TSN: variants seen among roughly 807,000 people sequenced by gnomAD.
The protein encoded by TSN is translin.
A neutral mutation model predicts 29.4 loss-of-function variants in TSN; 5 were observed. The ratio of observed to expected loss-of-function variants is 0.17; its 90% CI spans 0.09 to 0.36. TSN has a LOEUF of 0.36. Among genes scored for constraint, TSN ranks in the 10% least tolerant of loss-of-function variants. TSN has a pLI of 1.00. For synonymous variants in TSN, 106 were observed against 102.2 expected (o/e 1.04, Z -0.23); for missense variants, 159 against 272.8 (o/e 0.58, Z 2.94).
At chr2:121,763,871 C>G (rs2074868134) in intron 5 of TSN, among the ~76,000 whole-genome samples, 1 of 152,168 alleles carries the variant, frequency 6.6e-6, no homozygotes, top group African/African-American at 2.4e-5. Context: ...TACTATCTGG[C>G]TCGTTAAGAA....
At chr2:121,757,571 ATTTCCTG>A in intron 2 of TSN, 1 of 689,676 alleles carries the variant, frequency 1.4e-6, no homozygotes, top group Admixed American at 3.3e-5. Context: ...TGCTTAACCC[ATTTCCTG>A]TTTAGAAAAA....
intron 4 of TSN, among the ~76,000 whole-genome samples, chr2:121,761,993 AT>A (rs752583785): frequency 5.0e-3 from 644 of 128,956 alleles, no homozygotes; most frequent in Middle Eastern, 0.024. Flanking sequence ...AATTTTTTGT[AT>A]TTTTTTTTTT....
At chr2:121,757,878 C>G (rs2106452371) in intron 2 of TSN, among the ~76,000 whole-genome samples, 1 of 151,954 alleles carries the variant, frequency 6.6e-6, no homozygotes. Flanking sequence ...GTTGGCCAGG[C>G]TGGTCTTGCA....
chr2:121,756,495 TA>T, intron 1 of TSN: 1 of 411,528 alleles, frequency 2.4e-6, no homozygotes, highest in Non-Finnish European at 4.4e-6. Flanking sequence ...TTGATTATTT[TA>T]AAAAAATCTT....
intron 2 of TSN, 49 bp from the exon 3 acceptor site, chr2:121,758,661 G>A: frequency 2.2e-6 from 3 of 1,393,902 alleles, no homozygotes; most frequent in East Asian, 4.8e-5. Context: ...AGCAAGAACT[G>A]TATTTGAAAT....
chr2:121,759,751 A>G (rs1250768975), intron 3 of TSN, among the ~76,000 whole-genome samples: 2 of 152,238 alleles, frequency 1.3e-5, no homozygotes, highest in East Asian at 1.9e-4. Context: ...TAAGACGTAT[A>G]TATCAGCAGT....
At chr2:121,758,904 G>T (rs57168317) in intron 3 of TSN, 98 bp downstream of exon 3, 41,076 of 729,618 alleles carry the variant, frequency 0.056, 1,382 homozygotes, top group East Asian at 0.12. Context: ...CAAACATCCT[G>T]TGTAGAAGTA....
intron 4 of TSN, among the ~76,000 whole-genome samples, chr2:121,761,888 G>A (rs1241732778): frequency 1.3e-5 from 2 of 151,644 alleles, no homozygotes; most frequent in South Asian, 2.1e-4. Context: ...TGCAATCTCC[G>A]CTCACTGCAA....
At chr2:121,759,693 C>G (rs1357925085) in intron 3 of TSN, among the ~76,000 whole-genome samples, 2 of 151,760 alleles carry the variant, frequency 1.3e-5, no homozygotes, top group Non-Finnish European at 2.9e-5. Context: ...GCACCTGAAT[C>G]AAAAGTTTCT....
intron 2 of TSN, among the ~76,000 whole-genome samples, chr2:121,758,263 T>C (rs1241259231): frequency 3.9e-5 from 6 of 152,222 alleles, no homozygotes; most frequent in Non-Finnish European, 8.8e-5. Flanking sequence ...AAGAATGATA[T>C]AATAATGCAT....
rs551055869 is a variant in TSN, at chr2:121,759,083, C to T, written c.257+277C>T. 2.6e-5 allele frequency among the ~76,000 whole-genome samples: 4 copies of T among 152,136 alleles called. No homozygotes were observed. The South Asian group carries it at 8.3e-4, about 32-fold the overall frequency. ...GGTCAAAAGTGAGAATATCTTTTTG[C>T]TATATTCAAGTTTCTTGTGAAATTG... On this transcript the variant is annotated intron_variant, in intron 3 of 5. Coordinates refer to ENST00000389682, the MANE Select transcript of TSN (RefSeq NM_004622.3).
At chr2:121,755,997 C>G (rs1341216264) in intron 1 of TSN, 152 bp downstream of exon 1, 9 of 1,460,174 alleles carry the variant, frequency 6.2e-6, no homozygotes, top group Non-Finnish European at 8.2e-6. Context: ...ACTCCCCGCC[C>G]CCGCCCAAAA....
intron 1 of TSN, among the ~76,000 whole-genome samples, chr2:121,756,991 C>A (rs990477768): frequency 6.6e-6 from 1 of 151,892 alleles, no homozygotes; most frequent in African/African-American, 2.4e-5. Context: ...AAGTTGCGTT[C>A]ACACACGTCA....
Position 121,757,119 on chromosome 2 carries a change from G to T in TSN, c.67-121G>T, listed in dbSNP as rs1227276158. On this transcript the variant is annotated intron_variant, in intron 1 of 5. Transcript: ENST00000389682. ...TTTTGAAGTCTTACAGAGGAAATAA[G>T]TGGAAAAGTCAGGATTCAAACTTGG... 4.5e-6 allele frequency: 4 copies of T among 882,066 alleles called. No homozygotes were observed. The African/African-American group carries it at 6.8e-5, about 15-fold the overall frequency. 54.6% of individuals were successfully genotyped at this position (882,066 alleles called of 1,614,324 possible).
rs1375639260 is a variant in TSN, at chr2:121,763,037, G to C, written c.406G>C (p.Asp136His). Residue 136 changes from aspartate to histidine, a missense_variant, in exon 5 of 6, where the codon GAT becomes CAT. Coordinates refer to ENST00000389682, the MANE Select transcript of TSN (RefSeq NM_004622.3). ...EPDREKGFHL[D>H]VEDYLSGVLI... ...AGATCGGGAGAAAGGATTTCATCTGGATGTAGAAGATTATCTCTCAGGAGT... is the reference window on the plus strand; with the variant it reads ...AGATCGGGAGAAAGGATTTCATCTGCATGTAGAAGATTATCTCTCAGGAGT... 6.2e-7 allele frequency: 1 copy of C among 1,610,788 alleles called. No homozygotes were observed. Among genetic ancestry groups the C allele is most frequent in the Non-Finnish European group, 8.5e-7 (1 of 1,178,846 alleles).
chr2:121,756,247 G>A (rs2074745242), intron 1 of TSN: 1 of 255,214 alleles, frequency 3.9e-6, no homozygotes, highest in Non-Finnish European at 7.9e-6. Flanking sequence ...AGACTCTACT[G>A]TGGCTCACAT....
At chr2:121,761,278 A>G in intron 3 of TSN, 131 bp from the exon 4 acceptor site, 2 of 654,298 alleles carry the variant, frequency 3.1e-6, no homozygotes, top group East Asian at 5.3e-5. Flanking sequence ...TTCTCTTTAT[A>G]TATTGGGGGT....
intron 5 of TSN, 31 bp from the exon 6 acceptor site, chr2:121,765,103 A>G (rs1391136977): frequency 6.2e-7 from 1 of 1,605,876 alleles, no homozygotes; most frequent in East Asian, 2.2e-5. Flanking sequence ...CCATGTTGTA[A>G]CAAGCCCCTG....
rs13416790 is a variant in TSN at position 121,757,198 on chromosome 2, G to A, written c.67-42G>A. 0.014 allele frequency: 22,455 copies of A among 1,568,154 alleles called. 2,508 individuals are homozygous for A. The African/African-American group carries it at 0.26, about 18-fold the overall frequency. The stretch of plus-strand genomic sequence containing the variant: ...GTGTTTTGTGTGAGTGTATGACAAT[G>A]ATTCTGTTGAGTATCTGATTTTTAT... On this transcript the variant is annotated intron_variant, in intron 1 of 5. Coordinates refer to ENST00000389682, the MANE Select transcript of TSN (RefSeq NM_004622.3).
Sources: allele counts gnomAD v4.1 joint callset (sites outside exome capture counted in the v4.1 genomes callset), GRCh38; gene constraint gnomAD v4.1.1; transcripts MANE v1.5; gene names NCBI Gene and HGNC (gene_info 2026-07-23, HGNC 2026-07-21).